The following TTN variants were observed in gnomAD, a reference collection of about 807,000 sequenced individuals.
TTN encodes the protein titin.
In TTN, 1,525 loss-of-function variants were observed where a neutral mutation model predicts 3,223.0. The observed-to-expected ratio is 0.47, with a 90% CI of 0.45 to 0.49. TTN has a LOEUF of 0.49. Among genes scored for constraint, TTN ranks in the 20% least tolerant of loss-of-function variants. The pLI is 0.00. For synonymous variants in TTN, 14,094 were observed against 15,161.0 expected, an observed-to-expected ratio of 0.93 and a Z score of 5.17; for missense variants, 40,786 against 43,424.0, an observed-to-expected ratio of 0.94 and a Z score of 5.40.
Position 178,616,835 on chromosome 2 carries a change from G to T in TTN, c.48054C>A (p.Ala16018=). The T allele has an allele frequency of 6.2e-7, 1 of 1,612,510 alleles. No homozygotes were observed. Among genetic ancestry groups the T allele is most frequent in the Non-Finnish European group, 8.5e-7 (1 of 1,179,150 alleles). ...GTTCACTTGGAGAAATGACAAGTTC[G>T]GCATAGGCAGACAAGGTCTTCATTT... ...RVKMKTLSAY[A]ELVISPSERS... is the part of the protein sequence containing the mutation. Residue 16018 remains alanine, a synonymous_variant, in exon 256 of 363, where the codon GCC becomes GCA. Transcript: ENST00000589042.
chr2:178,653,418 G>A lies in TTN; in HGVS notation c.38707+9C>T, dbSNP rs767962796. 1.3e-6 allele frequency: 2 copies of A among 1,593,474 alleles called. No homozygotes were observed. The highest frequency in any genetic ancestry group is 1.7e-6 in the Non-Finnish European group (2 of 1,174,298). The stretch of plus-strand genomic sequence containing the variant: ...GATCTTCTGAAGCTTAAGGTCAAAT[G>A]ACAAGTACCTGTAACAGGTGGAACT... On this transcript the variant is annotated intron_variant, in intron 197 of 362. Transcript: ENST00000589042.
At chr2:178,598,209 G>A (rs937873190) in intron 292 of TTN, among the ~76,000 whole-genome samples, 151 bp from the exon 293 acceptor site, 2 of 152,064 alleles carry the variant, frequency 1.3e-5, no homozygotes, top group Non-Finnish European at 2.9e-5. Context: ...GATATTACAG[G>A]CAACACTGAA....
chr2:178,554,485 T>C lies in TTN; in HGVS notation c.88862A>G (p.Glu29621Gly), dbSNP rs1559228678. 1 of 1,613,552 alleles carries C rather than the reference T, an allele frequency of 6.2e-7. No individual in the cohort carries two copies. Among genetic ancestry groups the C allele is most frequent in the East Asian group, 2.2e-5 (1 of 44,744 alleles). Reference sequence around the variant, plus strand: ...GTTCTTGGCTACAACGGAATCAGATTCCAGTGGCTCGCCAATTCCATATTT... The same window carrying C: ...GTTCTTGGCTACAACGGAATCAGATCCCAGTGGCTCGCCAATTCCATATTT... The part of the protein sequence containing the change: ...VNKYGIGEPL[E>G]SDSVVAKNAF... The change falls in exon 332 of 363, where the codon GAA (glutamate) becomes GGA (glycine). Residue 29621 changes from glutamate (E) to glycine (G), a missense_variant. Transcript: ENST00000589042.
At chr2:178,728,035 G>C in intron 67 of TTN, 75 bp downstream of exon 67, 1 of 1,455,860 alleles carries the variant, frequency 6.9e-7, no homozygotes, top group Non-Finnish European at 9.1e-7. Flanking sequence ...TAGCTCTAAA[G>C]GATACAAAGG....
At chr2:178,688,867 C>A in intron 125 of TTN, 89 bp from the exon 126 acceptor site, 1 of 1,178,986 alleles carries the variant, frequency 8.5e-7, no homozygotes, top group East Asian at 2.4e-5. Flanking sequence ...GCACAGTACA[C>A]CACTTTGACT....
In TTN at chr2:178,592,016, A is replaced by G. The variant is rs1553645836; in HGVS notation, c.59888T>C (p.Val19963Ala). 4 of 1,613,064 alleles carry G rather than the reference A, an allele frequency of 2.5e-6. No individual in the cohort carries two copies. Among genetic ancestry groups the G allele is most frequent in the Non-Finnish European group, 3.4e-6 (4 of 1,179,490 alleles). Residue 19963 changes from valine to alanine, a missense_variant, in exon 302 of 363, where the codon GTT (valine) becomes GCT (alanine). Coordinates refer to ENST00000589042, the MANE Select transcript of TTN (RefSeq NM_001267550.2). ...AENQYGRGPFVETPKPIKALD... is the reference protein window; with the variant it reads ...AENQYGRGPFAETPKPIKALD... ...AGCCTTGATTGGTTTTGGTGTTTCA[A>G]CAAAAGGACCACGTCCATACTGGTT... is the stretch of plus-strand genomic sequence containing the variant.
intron 302 of TTN, 30 bp downstream of exon 302, chr2:178,591,948 A>G (rs796925139): frequency 6.2e-7 from 1 of 1,606,460 alleles, no homozygotes; most frequent in African/African-American, 1.3e-5. Context: ...CAGTCAAACA[A>G]TAGTTTTGTA....
In TTN at chr2:178,774,190, G is replaced by A. The variant is rs775420667; in HGVS notation, c.7057+17C>T. The A allele has an allele frequency of 6.2e-7, 1 of 1,613,982 alleles. No individual in the cohort carries two copies. Among genetic ancestry groups the A allele is most frequent in the Non-Finnish European group, 8.5e-7 (1 of 1,179,986 alleles). The stretch of plus-strand genomic sequence containing the variant: ...TAATGATGCTCACTGCAGGCTGACA[G>A]GAATGGGAGGACTTACGTTTCATCT... On this transcript the variant is annotated intron_variant, in intron 30 of 362. Coordinates refer to ENST00000589042, the MANE Select transcript of TTN (RefSeq NM_001267550.2).
At position 178,612,840 on chromosome 2, in the gene TTN, A is replaced by G. The variant is rs1300591108; in HGVS notation, c.49881T>C (p.Ala16627=). ...EGQEYSFRVR[A]VNKAGESEPS... ...GTTCACTTTCCCCAGCCTTATTCAC[A>G]GCTCTAACTCGGAATGAGTATTCCT... is the stretch of plus-strand genomic sequence containing the variant. The change falls in exon 265 of 363, where the codon GCT becomes GCC. Residue 16627 remains alanine, a synonymous_variant. Transcript: ENST00000589042. 2 of 1,612,414 alleles carry G rather than the reference A, an allele frequency of 1.2e-6. No individual in the cohort carries two copies. Among genetic ancestry groups the G allele is most frequent in the Non-Finnish European group, 1.7e-6 (2 of 1,179,234 alleles).
intron 242 of TTN, 112 bp downstream of exon 242, chr2:178,624,353 G>A (rs2058722009): frequency 7.3e-7 from 1 of 1,363,986 alleles, no homozygotes; most frequent in Admixed American, 1.9e-5. Context: ...ACTAGAAGTT[G>A]CCAAGAAATG....
intron 47 of TTN, chr2:178,748,341 T>C (rs774737151): frequency 1.9e-6 from 3 of 1,613,052 alleles, no homozygotes; most frequent in African/African-American, 1.3e-5. Flanking sequence ...TTCTCCACCA[T>C]AGTTCTATTT....
rs376346696 is a variant in TTN, at chr2:178,583,091, T to C, written c.65712A>G (p.Leu21904=). Residue 21904 remains leucine, a synonymous_variant, in exon 313 of 363, where the codon CTA becomes CTG. Transcript: ENST00000589042. ...CCATCTTTATGCCTTCTGCTGGTTT[T>C]AGCAGTGTGCCATCTTTTTTCCAAG... is the stretch of plus-strand genomic sequence containing the variant. The part of the protein sequence containing the change: ...TVSWKKDGTL[L]KPAEGIKMAM... 2.6e-5 allele frequency: 42 copies of C among 1,611,594 alleles called. No homozygotes were observed. The highest frequency in any genetic ancestry group is 3.5e-5 in the Non-Finnish European group (41 of 1,178,662).
rs1201726118 is a variant in TTN, at chr2:178,704,614, C to T, written c.29858G>A (p.Gly9953Asp). Residue 9953 changes from glycine (G) to aspartate (D), a missense_variant, in exon 105 of 363, where the codon GGT becomes GAT. By Grantham distance (94) the Gly-to-Asp change is moderately conservative. Transcript: ENST00000589042. ...TTTGACTCTGAGTGTATGTCGGTCA[C>T]CATCAATGCTTATTTCAAATTTATC... ...PSDKFEISIDGDRHTLRVKNC... is the reference protein window; with the variant it reads ...PSDKFEISIDDDRHTLRVKNC... 9 of 1,612,628 alleles carry T rather than the reference C, an allele frequency of 5.6e-6. No individual in the cohort carries two copies. Among genetic ancestry groups the T allele is most frequent in the Non-Finnish European group, 7.6e-6 (9 of 1,179,212 alleles).
chr2:178,746,324 A>G, intron 47 of TTN: 1 of 1,612,422 alleles, frequency 6.2e-7, no homozygotes, highest in Non-Finnish European at 8.5e-7. Flanking sequence ...CCTTGAATCC[A>G]TATTTGGATC....
Position 178,587,163 on chromosome 2 carries a change from C to A in TTN, c.64048G>T (p.Val21350Phe). ...VTAVNEYGPG[V>F]PTDVPKPVLA... ...ACTGGTTTTGGGACATCTGTTGGGA[C>A]GCCAGGGCCATATTCGTTGACAGCA... Residue 21350 changes from valine (V) to phenylalanine (F), a missense_variant, in exon 307 of 363, where the codon GTC becomes TTC. By Grantham distance (50) the Val-to-Phe change is conservative. Transcript: ENST00000589042. 7 of 1,613,218 alleles carry A rather than the reference C, an allele frequency of 4.3e-6. No individual in the cohort carries two copies. The highest frequency in any genetic ancestry group is 5.9e-6 in the Non-Finnish European group (7 of 1,179,424).
chr2:178,651,316 A>G lies in TTN; in HGVS notation c.39552T>C (p.Pro13184=), dbSNP rs1334627932. The G allele has an allele frequency of 6.2e-7, 1 of 1,612,854 alleles. No homozygotes were observed. The highest frequency in any genetic ancestry group is 2.2e-5 in the East Asian group (1 of 44,836). ...KKPEAPPAKV[P]EVPKEVVPEK... ...CTGGAACAACTTCTTTTGGAACTTC[A>G]GGCACTTCAAATATATTAGTATTTT... is the stretch of plus-strand genomic sequence containing the variant. The change falls in exon 208 of 363, where the codon CCT becomes CCC. Residue 13184 remains proline, a synonymous_variant. Coordinates refer to ENST00000589042, the MANE Select transcript of TTN (RefSeq NM_001267550.2).
chr2:178,711,952 G>A lies in TTN; in HGVS notation c.27878C>T (p.Thr9293Ile). 1 of 1,596,178 alleles carries A rather than the reference G, an allele frequency of 6.3e-7. No homozygotes were observed. The highest frequency in any genetic ancestry group is 1.1e-5 in the South Asian group (1 of 87,510). ...VGEVSASTFL[T>I]VQEQKLPPSF... Reference sequence around the variant, plus strand: ...AAAAATATTGCAATCACCTTGAACGGTAAGGAAAGTTGATGCAGAAACTTC... The same window carrying A: ...AAAAATATTGCAATCACCTTGAACGATAAGGAAAGTTGATGCAGAAACTTC... Residue 9293 changes from threonine to isoleucine, a missense_variant, in exon 96 of 363, where the codon ACC (threonine) becomes ATC (isoleucine). Physicochemically the swap from Thr to Ile is moderately conservative, Grantham distance 89 (BLOSUM62 -1). Transcript: ENST00000589042.
Position 178,605,177 on chromosome 2 carries a change from C to G in TTN, c.54000G>C (p.Trp18000Cys), listed in dbSNP as rs72646813. ...TTTCAATTACAGTTTCATTTTTGGA[C>G]CATTCAATCTTAGGCATTGGAAGGC... ...VTGLPMPKIEWSKNETVIEKP... is the reference protein window; with the variant it reads ...VTGLPMPKIECSKNETVIEKP... Residue 18000 changes from tryptophan to cysteine, a missense_variant, in exon 280 of 363, where the codon TGG becomes TGC. Coordinates refer to ENST00000589042, the MANE Select transcript of TTN (RefSeq NM_001267550.2). The G allele has an allele frequency of 3.1e-6, 5 of 1,612,330 alleles. No individual in the cohort carries two copies. In the Admixed American group the frequency reaches 8.3e-5, roughly 27 times the overall value.
At position 178,721,069 on chromosome 2, in the gene TTN, A is replaced by T; in HGVS notation, c.22950T>A (p.His7650Gln). 1 of 1,613,276 alleles carries T rather than the reference A, an allele frequency of 6.2e-7. No individual in the cohort carries two copies. The highest frequency in any genetic ancestry group is 8.5e-7 in the Non-Finnish European group (1 of 1,179,364). ...ATGACATGTTGTATTTCCAACTTTC[A>T]TGAAGTTCGCTGTCATTTCGGAACC... ...VSWFRNDSEL[H>Q]ESWKYNMSFI... The change falls in exon 79 of 363, where the codon CAT becomes CAA. Residue 7650 changes from histidine (H) to glutamine (Q), a missense_variant. His to Gln is a conservative substitution (Grantham distance 24). Coordinates refer to ENST00000589042, the MANE Select transcript of TTN (RefSeq NM_001267550.2).
Sources: gnomAD v4.1 joint callset for allele counts (sites outside exome capture counted in the v4.1 genomes callset) on GRCh38, gnomAD v4.1.1 for gene constraint, MANE v1.5 for transcripts, NCBI Gene and HGNC (gene_info 2026-07-23, HGNC 2026-07-21) for gene names.